ACBD6: variants seen among roughly 807,000 people sequenced by gnomAD.
ACBD6 encodes the protein acyl-CoA binding domain containing 6, also known as acyl-CoA-binding domain-containing protein 6.
Under a neutral mutation model 37.2 loss-of-function variants are expected in ACBD6, and 28 were observed. That is an observed-to-expected ratio of 0.75 (90% CI 0.56 to 1.03). The LOEUF (loss-of-function observed/expected upper bound fraction) is 1.03. ACBD6 is among the 50% of genes least tolerant of loss of function. The pLI is 0.00. For missense variants in ACBD6, 340 were observed against 337.4 expected (o/e 1.01, Z -0.06); for synonymous variants, 113 against 126.8 (o/e 0.89, Z 0.73).
intron 9 of ACBD6, among the ~76,000 whole-genome samples, chr1:180,280,554 T>C (rs1356493647): frequency 6.6e-6 from 1 of 152,140 alleles, no homozygotes; most frequent in Non-Finnish European, 1.5e-5. Context: ...CCAGTGGGAT[T>C]CTTGGAGGGA....
At chr1:180,479,533 T>C (rs1650941333) in intron 3 of ACBD6, among the ~76,000 whole-genome samples, 2 of 151,926 alleles carry the variant, frequency 1.3e-5, no homozygotes, top group South Asian at 4.1e-4. Context: ...AGAAGTGGGT[T>C]AAAGGGTATA....
chr1:180,467,231 T>C (rs1650380003), intron 3 of ACBD6, among the ~76,000 whole-genome samples: 1 of 151,972 alleles, frequency 6.6e-6, no homozygotes, highest in Non-Finnish European at 1.5e-5. Context: ...AGACACATGC[T>C]ACCACACCCA....
chr1:180,274,553 G>A (rs770324044), intron 10 of ACBD6: 15 of 1,588,808 alleles, frequency 9.4e-6, no homozygotes, highest in African/African-American at 2.7e-5. Flanking sequence ...CTCTTGGCTC[G>A]ATGAAATGGA....
intron 6 of ACBD6, among the ~76,000 whole-genome samples, chr1:180,339,235 T>C (rs1283107917): frequency 1.3e-5 from 2 of 152,204 alleles, no homozygotes; most frequent in Non-Finnish European, 2.9e-5. Context: ...TGCACACGTA[T>C]GTTTACTGAG....
chr1:180,336,422 T>A (rs201220371), intron 6 of ACBD6, among the ~76,000 whole-genome samples: 2,650 of 147,964 alleles, frequency 0.018, 82 homozygotes, highest in African/African-American at 0.05. Flanking sequence ...ATTGGGTACA[T>A]AACGAAATGA....
intron 7 of ACBD6, among the ~76,000 whole-genome samples, chr1:180,304,259 T>C (rs9659418): frequency 0.43 from 64,251 of 149,646 alleles, 18,304 homozygotes; most frequent in African/African-American, 0.76. Flanking sequence ...CTGGCCAGGG[T>C]AATCAGGCAG....
At chr1:180,480,371 T>C (rs184264647) in intron 3 of ACBD6, among the ~76,000 whole-genome samples, 14 of 152,178 alleles carry the variant, frequency 9.2e-5, no homozygotes, top group Admixed American at 5.9e-4. Flanking sequence ...AAGATAAAAT[T>C]AGTGACACTT....
At chr1:180,302,542 T>C (rs1650172132) in intron 7 of ACBD6, among the ~76,000 whole-genome samples, 1 of 152,140 alleles carries the variant, frequency 6.6e-6, no homozygotes, top group Non-Finnish European at 1.5e-5. Context: ...TTGCAACCCC[T>C]GTCTTTTTTT....
At chr1:180,466,656 TTTAA>T (rs1366423717) in intron 3 of ACBD6, among the ~76,000 whole-genome samples, 5 of 152,218 alleles carry the variant, frequency 3.3e-5, no homozygotes, top group African/African-American at 1.2e-4. Context: ...AAAATTTACC[TTTAA>T]TTAATAGTTT....
intron 6 of ACBD6, among the ~76,000 whole-genome samples, chr1:180,329,123 T>TGAC (rs1651374056): frequency 6.6e-6 from 1 of 152,236 alleles, no homozygotes; most frequent in Non-Finnish European, 1.5e-5. Flanking sequence ...AACCTTTTTC[T>TGAC]GACGATTCTC....
At chr1:180,384,740 G>T (rs1653787302) in intron 6 of ACBD6, among the ~76,000 whole-genome samples, 1 of 152,164 alleles carries the variant, frequency 6.6e-6, no homozygotes, top group Non-Finnish European at 1.5e-5. Flanking sequence ...CAAAGATATG[G>T]AATCAACTGA....
At chr1:180,413,741 A>G (rs1227449065) in intron 4 of ACBD6, among the ~76,000 whole-genome samples, 1 of 152,216 alleles carries the variant, frequency 6.6e-6, no homozygotes, top group Non-Finnish European at 1.5e-5. Flanking sequence ...TCTTAAAGCA[A>G]AGAAAATCAA....
intron 3 of ACBD6, among the ~76,000 whole-genome samples, chr1:180,484,585 C>T (rs1255669665): frequency 3.9e-5 from 6 of 151,940 alleles, no homozygotes; most frequent in South Asian, 2.1e-4. Flanking sequence ...TGAATATAAA[C>T]TTATGGTTTT....
At chr1:180,389,778 T>C (rs1437913376) in intron 6 of ACBD6, among the ~76,000 whole-genome samples, 1 of 152,214 alleles carries the variant, frequency 6.6e-6, no homozygotes, top group Non-Finnish European at 1.5e-5. Context: ...TTTCATGTGT[T>C]TTTTGGCTGC....
intron 10 of ACBD6, chr1:180,274,186 G>A (rs1353953257): frequency 5.0e-6 from 8 of 1,614,084 alleles, no homozygotes; most frequent in South Asian, 2.2e-5. Context: ...TGTCCACAGA[G>A]GATCAAATTC....
At chr1:180,414,405 G>A (rs1182598721) in intron 4 of ACBD6, among the ~76,000 whole-genome samples, 1 of 152,224 alleles carries the variant, frequency 6.6e-6, no homozygotes, top group Non-Finnish European at 1.5e-5. Context: ...CCTGGTCATA[G>A]GAGTTCTTCT....
chr1:180,496,026 A>G (rs1651725592), intron 1 of ACBD6, among the ~76,000 whole-genome samples: 1 of 152,190 alleles, frequency 6.6e-6, no homozygotes, highest in South Asian at 2.1e-4. Flanking sequence ...CCCTATTATG[A>G]AATTCATCAA....
chr1:180,386,353 T>G (rs1337676383), intron 6 of ACBD6, among the ~76,000 whole-genome samples: 7 of 152,194 alleles, frequency 4.6e-5, no homozygotes, highest in South Asian at 2.1e-4. Context: ...TGTTGTTGTT[T>G]TTTTCTCATT....
intron 3 of ACBD6, chr1:180,434,655 T>C (rs1308619975): frequency 5.7e-6 from 2 of 351,230 alleles, no homozygotes; most frequent in Non-Finnish European, 1.1e-5. Flanking sequence ...AGAAAATCTT[T>C]GAATCTACCT....
Sources: gnomAD v4.1 joint callset for allele counts (sites outside exome capture counted in the v4.1 genomes callset) on GRCh38, gnomAD v4.1.1 for gene constraint, MANE v1.5 for transcripts, NCBI Gene and HGNC (gene_info 2026-07-23, HGNC 2026-07-21) for gene names.